Variants in TTBK2 observed in about 807,000 individuals in gnomAD.
TTBK2 encodes tau tubulin kinase 2.
A neutral mutation model predicts 110.8 loss-of-function variants in TTBK2; 28 were observed. The observed-to-expected ratio is 0.25, with a 90% confidence interval of 0.19 to 0.35. The LOEUF is 0.35. TTBK2 is among the 10% of genes least tolerant of loss of function. The pLI, the probability that TTBK2 is intolerant of heterozygous loss-of-function variation, is 1.00. For missense variants in TTBK2, 1,369 were observed against 1,500.3 expected (o/e 0.91, Z 1.45); for synonymous variants, 532 against 527.3 (o/e 1.01, Z -0.12).
At chr15:42,759,604 C>G (rs1356986243) in intron 13 of TTBK2, among the ~76,000 whole-genome samples, 2 of 152,206 alleles carry the variant, frequency 1.3e-5, no homozygotes, top group African/African-American at 4.8e-5. Flanking sequence ...AAAAACCATG[C>G]CAACACTGCC....
chr15:42,889,067 C>CT (rs1473910265), intron 1 of TTBK2, among the ~76,000 whole-genome samples: 2 of 152,194 alleles, frequency 1.3e-5, no homozygotes, highest in African/African-American at 2.4e-5. Flanking sequence ...TTATAAGCCA[C>CT]TAGCCCACCT....
At chr15:42,767,845 T>C (rs773464930) in intron 13 of TTBK2, among the ~76,000 whole-genome samples, 2 of 152,238 alleles carry the variant, frequency 1.3e-5, no homozygotes, top group South Asian at 2.1e-4. Context: ...CTGATGAACA[T>C]TGATGCACAA....
At chr15:42,782,876 C>T (rs575661863) in intron 11 of TTBK2, among the ~76,000 whole-genome samples, 53 of 152,232 alleles carry the variant, frequency 3.5e-4, no homozygotes, top group African/African-American at 1.3e-3. Context: ...GAGAATGTCA[C>T]TAGTGATTTT....
At chr15:42,876,871 C>T (rs190701637) in intron 2 of TTBK2, among the ~76,000 whole-genome samples, 7 of 152,122 alleles carry the variant, frequency 4.6e-5, no homozygotes, top group African/African-American at 1.7e-4. Flanking sequence ...GAAGTGTGTC[C>T]CCTTAGTCAA....
intron 11 of TTBK2, among the ~76,000 whole-genome samples, chr15:42,778,571 G>T (rs1890035884): frequency 6.6e-6 from 1 of 152,196 alleles, no homozygotes; most frequent in South Asian, 2.1e-4. Context: ...AGGAGGCTGA[G>T]GCAGGAGAAT....
At chr15:42,793,215 T>C (rs980769789) in intron 10 of TTBK2, among the ~76,000 whole-genome samples, 2 of 152,196 alleles carry the variant, frequency 1.3e-5, no homozygotes, top group Non-Finnish European at 2.9e-5. Context: ...TCAGTAGGTC[T>C]AGGGTAGGTC....
chr15:42,801,903 C>T, intron 9 of TTBK2: 1 of 1,520,342 alleles, frequency 6.6e-7, no homozygotes, highest in South Asian at 1.1e-5. Flanking sequence ...CCTCCACCAG[C>T]CCATGCATGT....
chr15:42,860,768 C>T (rs1026382483), intron 3 of TTBK2, among the ~76,000 whole-genome samples: 4 of 150,078 alleles, frequency 2.7e-5, no homozygotes, highest in South Asian at 2.1e-4. Flanking sequence ...CAGGTTCAAG[C>T]GATTCTCCTG....
chr15:42,845,754 T>C (rs1213655750), intron 3 of TTBK2, among the ~76,000 whole-genome samples: 1 of 149,200 alleles, frequency 6.7e-6, no homozygotes, highest in Non-Finnish European at 1.5e-5. Flanking sequence ...GAGAAATGCA[T>C]CCTTGGGTGA....
rs183369688 is a variant in TTBK2, at chr15:42,796,422, G to T, written c.823-1621C>A. On this transcript the variant is annotated intron_variant, in intron 9 of 14. Transcript: ENST00000267890. ...TCTCAAAAAAAAAGAGAGAGAGAGA[G>T]ATATTATTTAAAGCCATAGAACCAG... Among the ~76,000 whole-genome samples the T allele has an allele frequency of 1.5e-3, 228 of 152,096 alleles. 1 individual carries two copies. Among genetic ancestry groups the T allele is most frequent in the African/African-American group, 4.7e-3 (197 of 41,512 alleles).
At chr15:42,810,805 C>T in intron 8 of TTBK2, 66 bp from the exon 9 acceptor site, 1 of 1,580,970 alleles carries the variant, frequency 6.3e-7, no homozygotes, top group Non-Finnish European at 8.7e-7. Flanking sequence ...AAGAGCCCCT[C>T]AGTAACCGTC....
At chr15:42,804,125 A>G (rs931408537) in intron 9 of TTBK2, among the ~76,000 whole-genome samples, 2 of 151,752 alleles carry the variant, frequency 1.3e-5, no homozygotes, top group East Asian at 1.9e-4. Flanking sequence ...AAATTTATAA[A>G]TTATTATCAT....
At chr15:42,813,250 G>A (rs1037199366) in intron 7 of TTBK2, among the ~76,000 whole-genome samples, 5 of 152,120 alleles carry the variant, frequency 3.3e-5, no homozygotes, top group African/African-American at 1.2e-4. Context: ...GGCTAGGCAC[G>A]GTTGCTCATG....
chr15:42,836,182 A>G (rs1892977406), intron 4 of TTBK2, among the ~76,000 whole-genome samples: 1 of 152,184 alleles, frequency 6.6e-6, no homozygotes. Flanking sequence ...CAACTGCTTG[A>G]GCTCTGTAAG....
chr15:42,758,511 C>CA (rs1567005697), intron 13 of TTBK2, among the ~76,000 whole-genome samples: 4 of 151,992 alleles, frequency 2.6e-5, no homozygotes, highest in Non-Finnish European at 4.4e-5. Flanking sequence ...CAAAATTAGC[C>CA]AGGCATGGTG....
chr15:42,811,078 C>T (rs1343149918), intron 8 of TTBK2, among the ~76,000 whole-genome samples: 1 of 152,160 alleles, frequency 6.6e-6, no homozygotes, highest in Non-Finnish European at 1.5e-5. Context: ...GCAGCCTCGA[C>T]CTTTGAGACT....
intron 1 of TTBK2, among the ~76,000 whole-genome samples, chr15:42,913,891 G>A (rs961226459): frequency 6.6e-6 from 1 of 151,998 alleles, no homozygotes; most frequent in Non-Finnish European, 1.5e-5. Flanking sequence ...AAAGCATTAT[G>A]TCTATGATCT....
At position 42,878,558 on chromosome 15, in the gene TTBK2, T is replaced by C; in HGVS notation, c.60A>G (p.Arg20=). 6.2e-7 allele frequency: 1 copy of C among 1,612,944 alleles called. No homozygotes were observed. The highest frequency in any genetic ancestry group is 2.2e-5 in the East Asian group (1 of 44,840). Residue 20 remains arginine (R), a synonymous_variant, in exon 2 of 15, where the codon AGA becomes AGG. Transcript: ENST00000267890. ...ILSVGILVKE[R]WKVLRKIGGG... ...TGAGATGTACACTCACCACTTTCCA[T>C]CTTTCTTTCACTAGGATTCCAACAC... is the stretch of plus-strand genomic sequence containing the variant.
intron 13 of TTBK2, among the ~76,000 whole-genome samples, chr15:42,770,598 T>G (rs1436029991): frequency 6.6e-6 from 1 of 152,224 alleles, no homozygotes; most frequent in African/African-American, 2.4e-5. Flanking sequence ...GTACATAGGT[T>G]GAAGTGTAAT....
Sources: allele counts gnomAD v4.1 joint callset (sites outside exome capture counted in the v4.1 genomes callset), GRCh38; gene constraint gnomAD v4.1.1; transcripts MANE v1.5; gene names NCBI Gene and HGNC (gene_info 2026-07-23, HGNC 2026-07-21).